Variants in ITGA9 observed in about 807,000 individuals in gnomAD.
ITGA9 encodes the protein integrin alpha-9.
Under a neutral mutation model 127.8 loss-of-function variants are expected in ITGA9, and 56 were observed. The ratio of observed to expected loss-of-function variants is 0.44; its 90% CI spans 0.35 to 0.55. The LOEUF is 0.55. Among genes scored for constraint, ITGA9 ranks in the 20% least tolerant of loss-of-function variants. The pLI is 0.00. For synonymous variants in ITGA9, 508 were observed against 514.5 expected (o/e 0.99, Z 0.17); for missense variants, 1,196 against 1,347.1 (o/e 0.89, Z 1.76).
At chr3:37,721,910 C>A (rs1194845458) in intron 18 of ITGA9, among the ~76,000 whole-genome samples, 3 of 152,182 alleles carry the variant, frequency 2.0e-5, no homozygotes, top group Non-Finnish European at 2.9e-5. Flanking sequence ...CTGATCTATT[C>A]TTACATCACA....
intron 26 of ITGA9, among the ~76,000 whole-genome samples, chr3:37,787,390 G>C (rs1697054382): frequency 6.6e-6 from 1 of 151,996 alleles, no homozygotes. Flanking sequence ...CAAGTCATCT[G>C]TACTCCCCCA....
chr3:37,462,418 A>G (rs1417572919), intron 1 of ITGA9, among the ~76,000 whole-genome samples: 1 of 152,222 alleles, frequency 6.6e-6, no homozygotes, highest in Admixed American at 6.5e-5. Context: ...ATTATTGCCA[A>G]CCTTTTATGA....
At position 37,517,516 on chromosome 3, in the gene ITGA9, G is replaced by A. The variant is rs944554762; in HGVS notation, c.1048G>A (p.Glu350Lys). The change falls in exon 10 of 28, where the codon GAG (glutamate) becomes AAG (lysine). Residue 350 changes from glutamate (E) to lysine (K), a missense_variant. Coordinates refer to ENST00000264741, the MANE Select transcript of ITGA9 (RefSeq NM_002207.3). ...TCCTGTTTCCCAGGGAGCCCTCGAG[G>A]AGCAGCTGGCTCTGACTGGGGATGG... is the stretch of plus-strand genomic sequence containing the variant. ...YINRGNGALE[E>K]QLALTGDGAY... 1 of 1,593,340 alleles carries A rather than the reference G, an allele frequency of 6.3e-7. No homozygotes were observed. Among genetic ancestry groups the A allele is most frequent in the African/African-American group, 1.3e-5 (1 of 74,756 alleles).
intron 15 of ITGA9, among the ~76,000 whole-genome samples, chr3:37,581,435 G>A (rs1002629565): frequency 6.6e-6 from 1 of 152,218 alleles, no homozygotes; most frequent in Admixed American, 6.5e-5. Flanking sequence ...TGTGCATGGG[G>A]ATGACACCCA....
chr3:37,469,018 C>T (rs1698400522), intron 1 of ITGA9, among the ~76,000 whole-genome samples: 1 of 152,208 alleles, frequency 6.6e-6, no homozygotes, highest in African/African-American at 2.4e-5. Flanking sequence ...GTATTCTTTG[C>T]TATAGATCTT....
At position 37,819,036 on chromosome 3, in the gene ITGA9, G is replaced by C. The variant is rs1264044739; in HGVS notation, c.*47G>C. 7.4e-7 allele frequency: 1 copy of C among 1,342,674 alleles called. No homozygotes were observed. The highest frequency in any genetic ancestry group is 1.4e-5 in the African/African-American group (1 of 69,472). The allele number at this position is 1,342,674 out of a possible 1,614,324, so 83.2% of individuals were successfully genotyped here. Reference sequence around the variant, plus strand: ...CCTGATCACTAGCCTGTCATCCTTGGTCTTTGTATCTTCCATATTTGGAAG... The same window carrying C: ...CCTGATCACTAGCCTGTCATCCTTGCTCTTTGTATCTTCCATATTTGGAAG... On this transcript the variant is annotated 3_prime_UTR_variant, in exon 28 of 28. Coordinates refer to ENST00000264741, the MANE Select transcript of ITGA9 (RefSeq NM_002207.3).
chr3:37,572,399 T>C (rs976578521), intron 15 of ITGA9, among the ~76,000 whole-genome samples: 5 of 152,194 alleles, frequency 3.3e-5, no homozygotes, highest in African/African-American at 1.2e-4. Context: ...GAGCATGGCC[T>C]GGCTTTGGAA....
intron 23 of ITGA9, among the ~76,000 whole-genome samples, chr3:37,765,009 C>T (rs1696763970): frequency 6.6e-6 from 1 of 152,172 alleles, no homozygotes; most frequent in Non-Finnish European, 1.5e-5. Context: ...CAGTCTTCTT[C>T]CACCAGATTA....
intron 25 of ITGA9, among the ~76,000 whole-genome samples, chr3:37,780,342 G>C (rs1051977256): frequency 6.6e-6 from 1 of 152,130 alleles, no homozygotes. Context: ...TCCAATGTCT[G>C]TTAATTCCAC....
intron 16 of ITGA9, among the ~76,000 whole-genome samples, chr3:37,648,146 T>G (rs1462415601): frequency 6.6e-6 from 1 of 152,154 alleles, no homozygotes; most frequent in African/African-American, 2.4e-5. Flanking sequence ...CTACCAACAA[T>G]GTATAAGGGT....
At chr3:37,723,923 C>G (rs576459814) in intron 18 of ITGA9, among the ~76,000 whole-genome samples, 187 of 152,358 alleles carry the variant, frequency 1.2e-3, no homozygotes, top group Non-Finnish European at 1.6e-3. Context: ...CAGGAATTCT[C>G]TGGCCCTGCT....
intron 17 of ITGA9, among the ~76,000 whole-genome samples, chr3:37,668,797 C>T (rs1030564623): frequency 6.6e-6 from 1 of 152,184 alleles, no homozygotes; most frequent in Admixed American, 6.5e-5. Flanking sequence ...AGAAGGCTGC[C>T]CTGTGGCTCT....
intron 4 of ITGA9, among the ~76,000 whole-genome samples, chr3:37,491,019 C>G (rs9876106): frequency 1.4e-5 from 2 of 142,620 alleles, no homozygotes; most frequent in Non-Finnish European, 3.0e-5. Context: ...CTCTGTTGCC[C>G]AGGCTGGAGT....
intron 16 of ITGA9, among the ~76,000 whole-genome samples, chr3:37,647,782 C>A (rs1371897952): frequency 6.6e-6 from 1 of 152,048 alleles, no homozygotes; most frequent in Non-Finnish European, 1.5e-5. Flanking sequence ...CCAGTTTCAT[C>A]CATGTTATCA....
chr3:37,623,673 ATG>A (rs1431224368), intron 15 of ITGA9, among the ~76,000 whole-genome samples: 53 of 117,994 alleles, frequency 4.5e-4, no homozygotes, highest in Admixed American at 2.6e-3. Flanking sequence ...GTGTGTGTGT[ATG>A]TGTGTGTGTG....
Position 37,736,987 on chromosome 3 carries a change from AGG to A in ITGA9, c.2234+11_2234+12del. 2.5e-6 allele frequency: 4 copies of A among 1,584,944 alleles called. No homozygotes were observed. The highest frequency in any genetic ancestry group is 3.5e-6 in the Non-Finnish European group (4 of 1,153,892). On this transcript the variant is annotated splice_donor_5th_base_variant and intron_variant, in intron 20 of 27. Coordinates refer to ENST00000264741, the MANE Select transcript of ITGA9 (RefSeq NM_002207.3). ...GCTTCATTGTTACTGCTCAGAGGTA[AGG>A]GGGGGGTTTAAACACTTTTTTCAAA...
At chr3:37,544,819 CTTT>C (rs1415633203) in intron 15 of ITGA9, among the ~76,000 whole-genome samples, 1 of 152,184 alleles carries the variant, frequency 6.6e-6, no homozygotes, top group Non-Finnish European at 1.5e-5. Flanking sequence ...TCTCTGAGAC[CTTT>C]ATGGTTCAAG....
At chr3:37,754,794 C>G (rs9835150) in intron 23 of ITGA9, among the ~76,000 whole-genome samples, 61,314 of 151,956 alleles carry the variant, frequency 0.4, 13,981 homozygotes, top group African/African-American at 0.63. Context: ...AGTAGACAGG[C>G]CTACCCATGA....
chr3:37,621,961 G>A (rs1325055404), intron 15 of ITGA9, among the ~76,000 whole-genome samples: 2 of 152,102 alleles, frequency 1.3e-5, no homozygotes, highest in Non-Finnish European at 2.9e-5. Context: ...TTGGAGCTCT[G>A]TCAAGTCAAT....
Sources: allele counts gnomAD v4.1 joint callset (sites outside exome capture counted in the v4.1 genomes callset), GRCh38; gene constraint gnomAD v4.1.1; transcripts MANE v1.5; gene names NCBI Gene and HGNC (gene_info 2026-07-23, HGNC 2026-07-21).